PITPNC1: variants seen among roughly 807,000 people sequenced by gnomAD.
The protein encoded by PITPNC1 is phosphatidylinositol transfer protein cytoplasmic 1, also known as cytoplasmic phosphatidylinositol transfer protein 1.
Under a neutral mutation model 44.7 loss-of-function variants are expected in PITPNC1, and 18 were observed. The ratio of observed to expected loss-of-function variants is 0.40; its 90% CI spans 0.28 to 0.60. The LOEUF (loss-of-function observed/expected upper bound fraction) is 0.60. Among genes scored for constraint, PITPNC1 ranks in the 20% least tolerant of loss-of-function variants. PITPNC1 has a pLI of 0.39. For synonymous variants in PITPNC1, 141 were observed against 149.6 expected, an observed-to-expected ratio of 0.94 and a Z score of 0.42; for missense variants, 290 against 418.4, an observed-to-expected ratio of 0.69 and a Z score of 2.68.
rs1295376573 is a variant in PITPNC1, at chr17:67,694,411, G to C, written c.*1523G>C. 6.6e-6 allele frequency: 1 copy of C among 152,358 alleles called. No individual in the cohort carries two copies. The highest frequency in any genetic ancestry group is 1.5e-5 in the Non-Finnish European group (1 of 68,234). The allele number at this position is 152,358 out of a possible 1,614,324, so 9.4% of individuals were successfully genotyped here. ...CCCAAAGGAAACAAAATAGACCAAG[G>C]AGCATAATCTGCTTCTCTCACACAG... is the stretch of plus-strand genomic sequence containing the variant. On this transcript the variant is annotated 3_prime_UTR_variant, in exon 9 of 9. Coordinates refer to ENST00000581322, the MANE Select transcript of PITPNC1 (RefSeq NM_012417.4).
chr17:67,479,028 C>G (rs921860850), intron 1 of PITPNC1, among the ~76,000 whole-genome samples: 1 of 152,020 alleles, frequency 6.6e-6, no homozygotes, highest in African/African-American at 2.4e-5. Context: ...GCAATCATTA[C>G]TGAGCAATTC....
At position 67,657,395 on chromosome 17, in the gene PITPNC1, A is replaced by G. The variant is rs567148096; in HGVS notation, c.463-12113A>G. On this transcript the variant is annotated intron_variant, in intron 6 of 8. Transcript: ENST00000581322. ...CAAAATATCGACACAATGTTGCCAT[A>G]AAAAGCCCAATTGTTAATTGCTTAT... Among the ~76,000 whole-genome samples the G allele has an allele frequency of 1.3e-3, 199 of 152,304 alleles. 2 individuals carry two copies. The highest frequency in any genetic ancestry group is 4.5e-3 in the African/African-American group (186 of 41,584).
chr17:67,498,761 C>T (rs760530622), intron 1 of PITPNC1, among the ~76,000 whole-genome samples: 1 of 151,858 alleles, frequency 6.6e-6, no homozygotes, highest in Non-Finnish European at 1.5e-5. Context: ...GGTGATATCC[C>T]ATTGTGGTTT....
chr17:67,673,779 T>C (rs920788729), intron 7 of PITPNC1, among the ~76,000 whole-genome samples: 1 of 151,518 alleles, frequency 6.6e-6, no homozygotes, highest in Non-Finnish European at 1.5e-5. Context: ...TGAAACCCCG[T>C]CTCTACTAAA....
intron 4 of PITPNC1, among the ~76,000 whole-genome samples, chr17:67,567,565 G>T (rs913146612): frequency 1.3e-5 from 2 of 152,132 alleles, no homozygotes; most frequent in Non-Finnish European, 1.5e-5. Flanking sequence ...CTGTTCATGG[G>T]AATGTACAAG....
intron 2 of PITPNC1, among the ~76,000 whole-genome samples, chr17:67,547,894 G>C (rs554912118): frequency 6.6e-6 from 1 of 152,170 alleles, no homozygotes; most frequent in Non-Finnish European, 1.5e-5. Context: ...CATGAGAGAT[G>C]ATCTGCCAGG....
At chr17:67,462,968 C>T (rs1261881166) in intron 1 of PITPNC1, among the ~76,000 whole-genome samples, 2 of 152,248 alleles carry the variant, frequency 1.3e-5, no homozygotes, top group Non-Finnish European at 2.9e-5. Flanking sequence ...TCCCAAAGTG[C>T]TAGGATTACA....
Position 67,460,736 on chromosome 17 carries a change from CTTTCTTTTTTTTTTT to C in PITPNC1, c.49-72062_49-72048del, listed in dbSNP as rs1345627824. On this transcript the variant is annotated intron_variant, in intron 1 of 8. Coordinates refer to ENST00000581322, the MANE Select transcript of PITPNC1 (RefSeq NM_012417.4). ...GGCCCTTTCTTTTTTCTTTTTCTTT[CTTTCTTTTTTTTTTT>C]TTTTTTTTTTTGAGACGGAGCCTGG... 1.2e-3 allele frequency among the ~76,000 whole-genome samples: 146 copies of C among 121,570 alleles called. 1 individual carries two copies. Among genetic ancestry groups the C allele is most frequent in the Middle Eastern group, 8.5e-3 (2 of 236 alleles). The allele number at this position is 121,570 out of a possible 152,430, so 79.8% of individuals were successfully genotyped here.
intron 1 of PITPNC1, among the ~76,000 whole-genome samples, chr17:67,458,217 A>G (rs2039283112): frequency 6.6e-6 from 1 of 151,864 alleles, no homozygotes; most frequent in Non-Finnish European, 1.5e-5. Context: ...TTTTTCCTTC[A>G]CAGGTGTTTT....
At chr17:67,643,897 A>G (rs2042117395) in intron 6 of PITPNC1, among the ~76,000 whole-genome samples, 1 of 152,106 alleles carries the variant, frequency 6.6e-6, no homozygotes, top group South Asian at 2.1e-4. Flanking sequence ...GTGTCTTTGG[A>G]AAGTGGCCAC....
chr17:67,573,424 G>A (rs1221770247), intron 4 of PITPNC1, among the ~76,000 whole-genome samples: 1 of 152,060 alleles, frequency 6.6e-6, no homozygotes, highest in Non-Finnish European at 1.5e-5. Context: ...GGATGGAGGA[G>A]TTGCTCAGTC....
chr17:67,595,587 G>A (rs769332835), intron 5 of PITPNC1, among the ~76,000 whole-genome samples: 11 of 151,948 alleles, frequency 7.2e-5, no homozygotes, highest in Non-Finnish European at 1.3e-4. Context: ...GCTTCCATCT[G>A]CTCCCCTACT....
intron 3 of PITPNC1, 87 bp downstream of exon 3, chr17:67,552,432 C>T (rs2040779269): frequency 1.3e-6 from 1 of 794,352 alleles, no homozygotes; most frequent in Admixed American, 1.8e-5. Flanking sequence ...GTGGATTATC[C>T]AAGCAGGGCC....
rs114178632 is a variant in PITPNC1 at position 67,594,058 on chromosome 17, A to G, written c.366+15801A>G. 4.5e-3 allele frequency among the ~76,000 whole-genome samples: 681 copies of G among 152,318 alleles called. 5 individuals are homozygous for G. The highest frequency in any genetic ancestry group is 0.02 in the Middle Eastern group (6 of 294). On this transcript the variant is annotated intron_variant, in intron 5 of 8. Transcript: ENST00000581322. ...CATTTTGGTGGAGAACACTTGAGGA[A>G]TCTGCCAAAAGCTAGCAGCTGGTCA...
intron 2 of PITPNC1, among the ~76,000 whole-genome samples, chr17:67,537,588 G>A (rs980250669): frequency 1.3e-5 from 2 of 152,134 alleles, no homozygotes; most frequent in Admixed American, 6.5e-5. Flanking sequence ...ATTCATGGAC[G>A]GGAAATGTTA....
intron 1 of PITPNC1, among the ~76,000 whole-genome samples, chr17:67,402,012 G>A (rs551507584): frequency 1.3e-5 from 2 of 151,966 alleles, no homozygotes; most frequent in African/African-American, 2.4e-5. Context: ...AATATTGAAC[G>A]CAATGCGTTA....
intron 1 of PITPNC1, among the ~76,000 whole-genome samples, chr17:67,410,745 C>T (rs1432139575): frequency 6.6e-6 from 1 of 152,034 alleles, no homozygotes; most frequent in Non-Finnish European, 1.5e-5. Context: ...AGCAACATCA[C>T]ACCAGCCTAC....
chr17:67,426,725 TAA>T (rs1391302440), intron 1 of PITPNC1, among the ~76,000 whole-genome samples: 1 of 48,254 alleles, frequency 2.1e-5, no homozygotes, highest in African/African-American at 9.9e-5. Flanking sequence ...TCCCAGAACT[TAA>T]AATAAAAATA....
intron 5 of PITPNC1, among the ~76,000 whole-genome samples, chr17:67,582,579 T>C (rs1226687867): frequency 6.0e-5 from 8 of 132,556 alleles, no homozygotes; most frequent in African/African-American, 2.4e-4. Context: ...TGACCCAATA[T>C]CTAGTAAAAA....
Sources: allele counts gnomAD v4.1 joint callset (sites outside exome capture counted in the v4.1 genomes callset), GRCh38; gene constraint gnomAD v4.1.1; transcripts MANE v1.5; gene names NCBI Gene and HGNC (gene_info 2026-07-23, HGNC 2026-07-21).